PRH1: variants seen among roughly 807,000 people sequenced by gnomAD.
The protein encoded by PRH1 is proline rich protein HaeIII subfamily 1, also known as salivary acidic proline-rich phosphoprotein 1/2.
A neutral mutation model predicts 7.9 loss-of-function variants in PRH1; 7 were observed. The observed-to-expected ratio is 0.89, with a 90% CI of 0.50 to 1.67. The LOEUF is 1.67. Among genes scored for constraint, PRH1 ranks in the 40% most tolerant of loss-of-function variants. The pLI, the probability that PRH1 is intolerant of heterozygous loss-of-function variation, is 0.00. For synonymous variants in PRH1, 45 were observed against 80.8 expected (o/e 0.56, Z 2.38); for missense variants, 109 against 223.6 (o/e 0.49, Z 3.27).
intron 1 of PRH1, among the ~76,000 whole-genome samples, chr12:10,993,929 A>G (rs1187030959): frequency 6.6e-6 from 1 of 152,222 alleles, no homozygotes; most frequent in Non-Finnish European, 1.5e-5. Flanking sequence ...CCTCTTTAGC[A>G]GAGGAGTGCC....
rs549024984 is a variant in PRH1, at chr12:10,905,310, C to G, written c.-58-21035G>C. Among the ~76,000 whole-genome samples the G allele has an allele frequency of 1.6e-3, 241 of 151,966 alleles. 1 individual carries two copies. The highest frequency in any genetic ancestry group is 2.7e-3 in the Non-Finnish European group (185 of 67,984). On this transcript the variant is annotated intron_variant, in intron 2 of 3. Transcript: ENST00000539853. The stretch of plus-strand genomic sequence containing the variant: ...TACCAGAAAGACACATGTACTCTCA[C>G]AATTTCATTGGAACACTATTCACAA...
At chr12:11,153,774 A>G (rs879346226) in intron 1 of PRH1, among the ~76,000 whole-genome samples, 11 of 152,314 alleles carry the variant, frequency 7.2e-5, no homozygotes, top group African/African-American at 9.6e-5. Flanking sequence ...TTCAGACCAA[A>G]AGACTTGTAA....
At chr12:11,102,971 G>A (rs1172684593) in intron 1 of PRH1, among the ~76,000 whole-genome samples, 1 of 152,188 alleles carries the variant, frequency 6.6e-6, no homozygotes, top group Non-Finnish European at 1.5e-5. Flanking sequence ...TCAGAGAAAT[G>A]CAAATCAAAA....
intron 2 of PRH1, among the ~76,000 whole-genome samples, chr12:10,950,040 T>G (rs143430568): frequency 6.6e-6 from 1 of 152,188 alleles, no homozygotes. Flanking sequence ...TAGCTCAAAT[T>G]TGTTCATTTT....
intron 1 of PRH1, among the ~76,000 whole-genome samples, chr12:11,140,450 G>A (rs2136392432): frequency 6.6e-6 from 1 of 152,266 alleles, no homozygotes; most frequent in African/African-American, 2.4e-5. Flanking sequence ...TTAAGGTCCT[G>A]ACCTTAACTT....
At chr12:10,917,672 G>A (rs371531351) in intron 2 of PRH1, among the ~76,000 whole-genome samples, 4 of 152,078 alleles carry the variant, frequency 2.6e-5, no homozygotes, top group African/African-American at 7.2e-5. Context: ...TTCAATTTAT[G>A]TACACATTAC....
upstream of PRH1, among the ~76,000 whole-genome samples, chr12:10,887,464 T>G (rs1170127089): frequency 6.6e-6 from 1 of 152,146 alleles, no homozygotes; most frequent in Non-Finnish European, 1.5e-5. Flanking sequence ...TCTTCTATAT[T>G]TTTAAATTTG....
At chr12:11,055,263 A>G (rs1943315154) in intron 1 of PRH1, among the ~76,000 whole-genome samples, 1 of 152,108 alleles carries the variant, frequency 6.6e-6, no homozygotes, top group Non-Finnish European at 1.5e-5. Context: ...GAAATATCAA[A>G]TAAGTATATA....
intron 2 of PRH1, chr12:10,929,201 C>A: frequency 6.2e-7 from 1 of 1,607,124 alleles, no homozygotes; most frequent in Non-Finnish European, 8.5e-7. Flanking sequence ...CATTGTCCTG[C>A]TTGTCTTTAT....
At chr12:11,171,338 G>A (rs1247328866) in intron 1 of PRH1, 4 of 1,228,542 alleles carry the variant, frequency 3.3e-6, no homozygotes, top group Non-Finnish European at 4.1e-6. Context: ...GACGCTGGGC[G>A]GGCGGCGACA....
At chr12:10,910,752 A>G (rs1335939597) in intron 2 of PRH1, among the ~76,000 whole-genome samples, 1 of 152,162 alleles carries the variant, frequency 6.6e-6, no homozygotes, top group East Asian at 1.9e-4. Context: ...AATATAAATA[A>G]AACACTTTAT....
chr12:11,168,400 GAAAGAAAGAAAGAAAGAAAGGAAAA>G lies in PRH1; in HGVS notation n.39+2997_39+3021del, dbSNP rs1162872411. Among the ~76,000 whole-genome samples, 120 of 47,948 alleles carry G rather than the reference GAAAGAAAGAAAGAAAGAAAGGAAAA, an allele frequency of 2.5e-3. 3 individuals carry two copies. Among genetic ancestry groups the G allele is most frequent in the Non-Finnish European group, 4.8e-3 (88 of 18,524 alleles). The allele number at this position is 47,948 out of a possible 152,430, so 31.5% of individuals were successfully genotyped here. On this transcript the variant is annotated intron_variant and non_coding_transcript_variant, in intron 1 of 1. Coordinates refer to the PRH1 transcript ENST00000541175. ...AGAAAGAAAGAAAGAAAGAAAGAAA[GAAAGAAAGAAAGAAAGAAAGGAAAA>G]GAAAAGAAAAGAAAAAAGAAAGAAA...
intron 2 of PRH1, among the ~76,000 whole-genome samples, chr12:10,967,558 A>C (rs964635743): frequency 2.6e-5 from 4 of 152,214 alleles, no homozygotes; most frequent in Non-Finnish European, 5.9e-5. Flanking sequence ...ACAATACAAT[A>C]AAAGCTTCGT....
At chr12:11,116,412 A>AAAAAC (rs750679471), downstream of PRH1, among the ~76,000 whole-genome samples, 4 of 152,070 alleles carry the variant, frequency 2.6e-5, no homozygotes, top group Non-Finnish European at 4.4e-5. Flanking sequence ...CCACTTTAGA[A>AAAAAC]AAAACAAAAC....
chr12:10,961,653 A>C (rs1042810356), intron 2 of PRH1, among the ~76,000 whole-genome samples: 12 of 152,106 alleles, frequency 7.9e-5, no homozygotes, highest in African/African-American at 2.9e-4. Flanking sequence ...GGAACACCAC[A>C]CTGTGGGCCT....
At position 10,884,189 on chromosome 12, in the gene PRH1, A is replaced by G. The variant is rs757473997; in HGVS notation, c.29T>C (p.Leu10Pro). 1.2e-6 allele frequency: 2 copies of G among 1,614,240 alleles called. No individual in the cohort carries two copies. The highest frequency in any genetic ancestry group is 1.7e-6 in the Non-Finnish European group (2 of 1,180,034). MLLILLSVA[L>P]LAFSSAQDLN... ...ATCCTGAGCTGAGCTGAAGGCCAGC[A>G]GGGCCACTGACAGCAGAATCAGAAG... The change falls in exon 1 of 4, where the codon CTG becomes CCG. Residue 10 changes from leucine (L) to proline (P), a missense_variant. By Grantham distance (98) the Leu-to-Pro change is moderately conservative (BLOSUM62 -3). Around this residue, in one of 3 missense-constraint regions of PRH1, gnomAD observed 60 missense variants for 76.5 expected, o/e 0.78. Transcript: ENST00000543626.
At chr12:10,986,236 T>G (rs143277774) in intron 1 of PRH1, 1 of 1,614,154 alleles carries the variant, frequency 6.2e-7, no homozygotes, top group South Asian at 1.1e-5. Flanking sequence ...TGGAGCTGCA[T>G]CTTCTTGAGA....
At chr12:10,985,807 G>C in intron 1 of PRH1, 1 of 809,470 alleles carries the variant, frequency 1.2e-6, no homozygotes, top group South Asian at 2.1e-5. Flanking sequence ...GACTTTTCTA[G>C]GTATGCTTTC....
intron 1 of PRH1, among the ~76,000 whole-genome samples, chr12:11,101,863 A>T (rs988509908): frequency 3.3e-5 from 5 of 152,194 alleles, no homozygotes; most frequent in Non-Finnish European, 5.9e-5. Context: ...ATACAAAATC[A>T]ATGTGCAAAA....
Sources: gnomAD v4.1 joint callset for allele counts (sites outside exome capture counted in the v4.1 genomes callset) on GRCh38, gnomAD v4.1.1 for gene constraint, gnomAD v4.1.1 regional missense constraint, MANE v1.5 for transcripts, NCBI Gene and HGNC (gene_info 2026-07-23, HGNC 2026-07-21) for gene names.